HYDIN: variants seen among roughly 807,000 people sequenced by gnomAD.
HYDIN encodes the protein HYDIN axonemal central pair apparatus protein.
HYDIN carries 132 observed loss-of-function variants against 403.9 expected under a neutral mutation model. The ratio of observed to expected loss-of-function variants is 0.33; its 90% CI spans 0.28 to 0.38. The LOEUF is 0.38. Among genes scored for constraint, HYDIN ranks in the 10% least tolerant of loss-of-function variants. The probability of loss-of-function intolerance (pLI) is 1.00; values close to 1 mark genes in which losing one functional copy is unlikely to be tolerated. For missense variants in HYDIN, 2,827 were observed against 5,009.5 expected, an observed-to-expected ratio of 0.56 and a Z score of 13.15; for synonymous variants, 1,202 against 1,891.7, an observed-to-expected ratio of 0.64 and a Z score of 9.46.
chr16:71,223,678 A>C (rs1434333816), intron 1 of HYDIN, among the ~76,000 whole-genome samples: 1 of 152,208 alleles, frequency 6.6e-6, no homozygotes, highest in South Asian at 2.1e-4. Context: ...TAAAACATGA[A>C]GAGACATTTC....
chr16:71,103,905 C>G (rs1179920651), intron 10 of HYDIN, among the ~76,000 whole-genome samples: 7 of 152,198 alleles, frequency 4.6e-5, no homozygotes, highest in Non-Finnish European at 1.0e-4. Flanking sequence ...AATCTATGAA[C>G]AAGCTATATT....
At position 71,034,034 on chromosome 16, in the gene HYDIN, T is replaced by C. The variant is rs1246009829; in HGVS notation, c.2530-2117A>G. Among the ~76,000 whole-genome samples the C allele has an allele frequency of 7.9e-5, 12 of 151,956 alleles. No homozygotes were observed. In the East Asian group the frequency reaches 1.9e-3, roughly 24 times the overall value. ...CTCTCCAGTTCATCAGAAAAGAGTTTGATTATTCCTTCATGAATCTTCCTT... is the reference window on the plus strand; with the variant it reads ...CTCTCCAGTTCATCAGAAAAGAGTTCGATTATTCCTTCATGAATCTTCCTT... On this transcript the variant is annotated intron_variant, in intron 18 of 85. Coordinates refer to ENST00000393567, the MANE Select transcript of HYDIN (RefSeq NM_001270974.2).
intron 14 of HYDIN, among the ~76,000 whole-genome samples, chr16:71,067,898 T>A (rs920118630): frequency 1.3e-5 from 2 of 152,176 alleles, no homozygotes; most frequent in Admixed American, 1.3e-4. Context: ...ACATTCTTTA[T>A]TACAGCAGAA....
At chr16:70,832,705 A>G (rs1324447165) in intron 80 of HYDIN, 143 bp downstream of exon 80, 4 of 616,546 alleles carry the variant, frequency 6.5e-6, no homozygotes, top group Non-Finnish European at 1.2e-5. Flanking sequence ...AGAGGGGAGA[A>G]TGAATATTCC....
At position 71,031,683 on chromosome 16, in the gene HYDIN, A is replaced by C. The variant is rs1217095362; in HGVS notation, c.2764T>G (p.Phe922Val). Reference sequence around the variant, plus strand: ...TGGTCCATGAGATTTCCTTACCTAAAATGTGCCCCCAAATTGAGTTCTGGA... The same window carrying C: ...TGGTCCATGAGATTTCCTTACCTAACATGTGCCCCCAAATTGAGTTCTGGA... ...FAPELNLGAH[F>V]SLDTHYYHFK... The change falls in exon 19 of 86, where the codon TTT becomes GTT. Residue 922 changes from phenylalanine to valine, a missense_variant. Phe to Val is a conservative substitution (Grantham distance 50). Transcript: ENST00000393567. 3.1e-6 allele frequency: 5 copies of C among 1,597,470 alleles called. No individual in the cohort carries two copies. The highest frequency in any genetic ancestry group is 4.3e-6 in the Non-Finnish European group (5 of 1,170,782).
intron 62 of HYDIN, among the ~76,000 whole-genome samples, chr16:70,878,158 A>G (rs1435172484): frequency 6.6e-6 from 1 of 152,048 alleles, no homozygotes; most frequent in Non-Finnish European, 1.5e-5. Context: ...CTGATAGTGA[A>G]TAAGTCTCAC....
intron 85 of HYDIN, among the ~76,000 whole-genome samples, chr16:70,808,437 G>A (rs1194659457): frequency 1.3e-5 from 2 of 152,062 alleles, no homozygotes; most frequent in Non-Finnish European, 2.9e-5. Context: ...CTAGCTGTGA[G>A]CAGAAGTGAA....
At chr16:70,824,040 G>A (rs2036427182) in intron 83 of HYDIN, among the ~76,000 whole-genome samples, 5 of 151,476 alleles carry the variant, frequency 3.3e-5, no homozygotes. Flanking sequence ...TTGCCTCAGA[G>A]ATTTTGTTGA....
intron 4 of HYDIN, among the ~76,000 whole-genome samples, chr16:71,176,605 T>C (rs2086679674): frequency 1.3e-5 from 2 of 151,850 alleles, no homozygotes; most frequent in African/African-American, 4.8e-5. Flanking sequence ...CCACCCCACC[T>C]CTCCATGGGA....
chr16:70,887,021 A>G (rs2041181009), intron 58 of HYDIN, among the ~76,000 whole-genome samples: 1 of 152,194 alleles, frequency 6.6e-6, no homozygotes, highest in African/African-American at 2.4e-5. Context: ...CTGGAACTCC[A>G]ATGACAAGCG....
chr16:70,916,474 T>C (rs2076843729), intron 47 of HYDIN, among the ~76,000 whole-genome samples: 1 of 152,134 alleles, frequency 6.6e-6, no homozygotes, highest in Non-Finnish European at 1.5e-5. Context: ...TTCTGCAGTT[T>C]GGGCACTCAC....
At chr16:70,883,809 G>T in intron 59 of HYDIN, 111 bp downstream of exon 59, 1 of 1,309,492 alleles carries the variant, frequency 7.6e-7, no homozygotes, top group Non-Finnish European at 1.1e-6. Flanking sequence ...GACCTTAGGT[G>T]ATCTGCCCGC....
Position 70,863,091 on chromosome 16 carries a change from G to A in HYDIN, c.11563C>T (p.His3855Tyr), listed in dbSNP as rs1042459926. ...TACTTGCCACTGAATTTACCTTGGT[G>A]ATCTGGTTTTGCAAAGCTGACTGCC... is the stretch of plus-strand genomic sequence containing the variant. ...SKAVSFAKPDHQGSAQKDQLS... is the reference protein window; with the variant it reads ...SKAVSFAKPDYQGSAQKDQLS... The change falls in exon 68 of 86, where the codon CAC becomes TAC. Residue 3855 changes from histidine to tyrosine, a missense_variant. Physicochemically the swap from His to Tyr is moderately conservative, Grantham distance 83. Coordinates refer to ENST00000393567, the MANE Select transcript of HYDIN (RefSeq NM_001270974.2). 6.2e-7 allele frequency: 1 copy of A among 1,614,022 alleles called. No individual in the cohort carries two copies. The highest frequency in any genetic ancestry group is 8.5e-7 in the Non-Finnish European group (1 of 1,179,940).
At chr16:70,866,688 G>T (rs2039770385) in intron 66 of HYDIN, among the ~76,000 whole-genome samples, 1 of 151,268 alleles carries the variant, frequency 6.6e-6, no homozygotes, top group Non-Finnish European at 1.5e-5. Context: ...ACATATAAAA[G>T]AAGGGATTAA....
chr16:71,141,696 G>T (rs2085179439), intron 7 of HYDIN, among the ~76,000 whole-genome samples: 1 of 152,080 alleles, frequency 6.6e-6, no homozygotes, highest in Admixed American at 6.6e-5. Context: ...TATGGAAAAA[G>T]AATTTTTGTA....
intron 62 of HYDIN, among the ~76,000 whole-genome samples, chr16:70,877,204 A>C (rs896293907): frequency 1.4e-5 from 2 of 148,006 alleles, no homozygotes; most frequent in African/African-American, 5.3e-5. Flanking sequence ...GAGACACAGA[A>C]GATATAGTGA....
At chr16:71,212,540 A>T (rs2088651130) in intron 1 of HYDIN, among the ~76,000 whole-genome samples, 1 of 152,236 alleles carries the variant, frequency 6.6e-6, no homozygotes, top group Non-Finnish European at 1.5e-5. Flanking sequence ...TCCAGCAATA[A>T]AAGATAAAAT....
At chr16:71,159,379 G>A (rs7190349) in intron 6 of HYDIN, among the ~76,000 whole-genome samples, 384 of 1,402 alleles carry the variant, frequency 0.27, 77 homozygotes, top group East Asian at 0.49. Context: ...ATGCACATAC[G>A]GTTTAGACTG....
chr16:70,946,052 T>C (rs1423257371), intron 41 of HYDIN, among the ~76,000 whole-genome samples: 2 of 148,354 alleles, frequency 1.3e-5, no homozygotes, highest in Non-Finnish European at 3.0e-5. Flanking sequence ...GCATAGATGC[T>C]GACAGAAGTA....
Sources: gnomAD v4.1 joint callset for allele counts (sites outside exome capture counted in the v4.1 genomes callset) on GRCh38, gnomAD v4.1.1 for gene constraint, MANE v1.5 for transcripts, NCBI Gene and HGNC (gene_info 2026-07-23, HGNC 2026-07-21) for gene names.